DIP2A: variants seen among roughly 807,000 people sequenced by gnomAD.
The protein encoded by DIP2A is disco-interacting protein 2 homolog A.
A neutral mutation model predicts 177.4 loss-of-function variants in DIP2A; 85 were observed. The ratio of observed to expected loss-of-function variants is 0.48; its 90% confidence interval spans 0.40 to 0.57. DIP2A has a LOEUF of 0.57. DIP2A is among the 20% of genes least tolerant of loss of function. The pLI is 0.00. For missense variants in DIP2A, 1,791 were observed against 2,100.2 expected (o/e 0.85, Z 2.88); for synonymous variants, 886 against 881.8 (o/e 1.00, Z -0.08).
chr21:46,561,486 A>G, intron 33 of DIP2A: 1 of 536,706 alleles, frequency 1.9e-6, no homozygotes, highest in South Asian at 1.8e-5. Flanking sequence ...TGCTGGGTTC[A>G]GGGAGGACCT....
At position 46,504,485 on chromosome 21, in the gene DIP2A, A is replaced by T; in HGVS notation, c.780A>T (p.Ala260=). The T allele has an allele frequency of 6.2e-7, 1 of 1,605,962 alleles. No individual in the cohort carries two copies. Among genetic ancestry groups the T allele is most frequent in the Non-Finnish European group, 8.5e-7 (1 of 1,175,686 alleles). ...RGCSGSMLET[A]DGVPVNSRVS... ...GCAGCGGGAGCATGCTGGAAACAGCAGATGGTGAGCCTGCCTCTCTTTCTC... is the reference window on the plus strand; with the variant it reads ...GCAGCGGGAGCATGCTGGAAACAGCTGATGGTGAGCCTGCCTCTCTTTCTC... The change falls in exon 6 of 38, where the codon GCA becomes GCT. Residue 260 remains alanine (A), a synonymous_variant. Transcript: ENST00000417564.
At position 46,569,271 on chromosome 21, in the gene DIP2A, G is replaced by A. The variant is rs2060916888; in HGVS notation, c.*1649G>A. On this transcript the variant is annotated 3_prime_UTR_variant, in exon 38 of 38. Transcript: ENST00000417564. ...TCTGGCTAACTGGGCCAGCTCTCAT[G>A]TTTTACTCCTGTCTGGCTACAAATA... 1 of 152,142 alleles carries A rather than the reference G, an allele frequency of 6.6e-6. No homozygotes were observed. 9.4% of individuals were successfully genotyped at this position (152,142 alleles called of 1,614,324 possible).
At chr21:46,518,386 C>A (rs2058677629) in intron 8 of DIP2A, among the ~76,000 whole-genome samples, 1 of 152,312 alleles carries the variant, frequency 6.6e-6, no homozygotes, top group East Asian at 1.9e-4. Flanking sequence ...TGCTCCCCAT[C>A]ATTATCAGCA....
intron 1 of DIP2A, 126 bp downstream of exon 1, chr21:46,459,348 C>T: frequency 2.7e-6 from 2 of 752,928 alleles, no homozygotes; most frequent in South Asian, 4.3e-5. Context: ...CCCGGGACCC[C>T]CACGCGGCCT....
rs547289134 is a variant in DIP2A, at chr21:46,512,110, C to A, written c.1102+496C>A. The stretch of plus-strand genomic sequence containing the variant: ...GTAACTACTGTCCTGACTGCCCACA[C>A]TGTTGGCTTTACCTGCCTTTAAACA... On this transcript the variant is annotated intron_variant, in intron 8 of 37. Coordinates refer to ENST00000417564, the MANE Select transcript of DIP2A (RefSeq NM_015151.4). 9.2e-5 allele frequency among the ~76,000 whole-genome samples: 14 copies of A among 152,286 alleles called. No homozygotes were observed. The South Asian group carries it at 2.9e-3, about 32-fold the overall frequency.
intron 6 of DIP2A, among the ~76,000 whole-genome samples, chr21:46,506,264 T>C (rs1355395990): frequency 1.3e-5 from 2 of 152,098 alleles, no homozygotes; most frequent in Non-Finnish European, 2.9e-5. Context: ...ATTACAGGCA[T>C]GTGCCACCAC....
rs527609793 is a variant in DIP2A at position 46,488,916 on chromosome 21, C to T, written c.164-1684C>T. On this transcript the variant is annotated intron_variant, in intron 2 of 37. Coordinates refer to ENST00000417564, the MANE Select transcript of DIP2A (RefSeq NM_015151.4). ...TTTGGAATACAAGTGTAAGGAAGTCCGTCTGTGTATATGTCACTTTACAGC... is the reference window on the plus strand; with the variant it reads ...TTTGGAATACAAGTGTAAGGAAGTCTGTCTGTGTATATGTCACTTTACAGC... 3.3e-5 allele frequency among the ~76,000 whole-genome samples: 5 copies of T among 152,282 alleles called. No individual in the cohort carries two copies. In the South Asian group the frequency reaches 6.2e-4, roughly 19 times the overall value.
intron 22 of DIP2A, 57 bp downstream of exon 22, chr21:46,549,942 T>C: frequency 6.3e-7 from 1 of 1,599,224 alleles, no homozygotes; most frequent in African/African-American, 1.3e-5. Flanking sequence ...GCACCCCCAC[T>C]CCACTCCAAG....
chr21:46,557,327 G>T lies in DIP2A; in HGVS notation c.3629+258G>T, dbSNP rs1304781530. On this transcript the variant is annotated intron_variant, in intron 30 of 37. Transcript: ENST00000417564. This position sits in a 1 kb window ranked among gnomAD's most constrained non-coding sequence, Gnocchi z 6.0. ...TTCAAACACTAGAAAGTGGCGATCC[G>T]TCTCTAGAAGTGAATGCCTCTGGAG... The T allele has an allele frequency of 8.0e-6, 5 of 623,142 alleles. No individual in the cohort carries two copies. The highest frequency in any genetic ancestry group is 1.4e-5 in the Non-Finnish European group (5 of 364,800). 38.6% of individuals were successfully genotyped at this position (623,142 alleles called of 1,614,324 possible). A position where few individuals can be genotyped will look rare whatever the true frequency, so the allele number is the denominator to read the frequency against.
rs9983623 is a variant in DIP2A, at chr21:46,518,560, T to G, written c.1102+6946T>G. Among the ~76,000 whole-genome samples, 974 of 152,312 alleles carry G rather than the reference T, an allele frequency of 6.4e-3. 10 individuals are homozygous for G. The highest frequency in any genetic ancestry group is 0.022 in the African/African-American group (924 of 41,574). ...GTACCCCTTGAATCTTTTACACATT[T>G]TTTCTGTAGTGAACGGCTGGGCACG... On this transcript the variant is annotated intron_variant, in intron 8 of 37. Coordinates refer to ENST00000417564, the MANE Select transcript of DIP2A (RefSeq NM_015151.4).
At chr21:46,544,491 T>A (rs1444589848) in intron 18 of DIP2A, among the ~76,000 whole-genome samples, 1 of 152,182 alleles carries the variant, frequency 6.6e-6, no homozygotes, top group Non-Finnish European at 1.5e-5. Context: ...GAAAAACATC[T>A]GCGCTCTGGA....
chr21:46,530,586 C>T (rs777973495), intron 9 of DIP2A, among the ~76,000 whole-genome samples: 6 of 151,954 alleles, frequency 3.9e-5, no homozygotes, highest in South Asian at 2.1e-4. Flanking sequence ...AGATGGAGAG[C>T]GGAGTAAAAT....
chr21:46,490,990 T>A (rs1394479949), intron 3 of DIP2A, among the ~76,000 whole-genome samples: 1 of 152,242 alleles, frequency 6.6e-6, no homozygotes, highest in Non-Finnish European at 1.5e-5. Flanking sequence ...TTCTCACTCT[T>A]ACTAGAATAA....
intron 28 of DIP2A, among the ~76,000 whole-genome samples, chr21:46,555,197 A>C (rs1348899831): frequency 6.6e-6 from 1 of 152,170 alleles, no homozygotes; most frequent in South Asian, 2.1e-4. Context: ...CCCGCCTCCT[A>C]CTGGCATGGG....
the DIP2A span, among the ~76,000 whole-genome samples, chr21:46,578,967 C>T: frequency 6.6e-6 from 1 of 152,156 alleles, no homozygotes; most frequent in African/African-American, 2.4e-5. Context: ...TGATGCTCGT[C>T]TCATAAAATG....
rs953411604 is a variant in DIP2A at position 46,551,817 on chromosome 21, C to T, written c.2950-7C>T. On this transcript the variant is annotated splice_polypyrimidine_tract_variant and splice_region_variant and intron_variant, in intron 24 of 37. Transcript: ENST00000417564. ...GGCGCCAGTGAGCAAGTCGCCCTCT[C>T]GTGCAGTTCCTGTTCCTGGCTGACG... 17 of 1,612,650 alleles carry T rather than the reference C, an allele frequency of 1.1e-5. No homozygotes were observed. The highest frequency in any genetic ancestry group is 1.0e-4 in the Admixed American group (6 of 59,840).
the DIP2A span, among the ~76,000 whole-genome samples, chr21:46,581,632 G>C: frequency 1.3e-5 from 2 of 152,164 alleles, no homozygotes; most frequent in East Asian, 1.9e-4. Flanking sequence ...ATGGGGTTTT[G>C]TGGGGTCTTT....
intron 22 of DIP2A, 76 bp downstream of exon 22, chr21:46,549,961 G>C: frequency 6.3e-7 from 1 of 1,592,556 alleles, no homozygotes; most frequent in African/African-American, 1.3e-5. Flanking sequence ...AGTGCCAAGT[G>C]GTTGGCTTGT....
In DIP2A at chr21:46,556,158, C is replaced by A; in HGVS notation, c.3498+67C>A. The A allele has an allele frequency of 6.8e-7, 1 of 1,476,628 alleles. No homozygotes were observed. The highest frequency in any genetic ancestry group is 1.2e-5 in the South Asian group (1 of 86,760). 91.5% of individuals were successfully genotyped at this position (1,476,628 alleles called of 1,614,324 possible). A position where few individuals can be genotyped will look rare whatever the true frequency, so the allele number is the denominator to read the frequency against. ...CAGGAGGAGTGGACAGAAAGGATGT[C>A]AGATGCAGATTTAAACTGACAGGTC... On this transcript the variant is annotated intron_variant, in intron 29 of 37. Coordinates refer to ENST00000417564, the MANE Select transcript of DIP2A (RefSeq NM_015151.4). The surrounding 1 kb of genome is among the most constrained non-coding windows in gnomAD (Gnocchi z 4.5).
Sources: allele counts gnomAD v4.1 joint callset (sites outside exome capture counted in the v4.1 genomes callset), GRCh38; gene constraint gnomAD v4.1.1; non-coding constraint Gnocchi (gnomAD v3.1); transcripts MANE v1.5; gene names NCBI Gene and HGNC (gene_info 2026-07-23, HGNC 2026-07-21).